CDH20: variants seen among roughly 807,000 people sequenced by gnomAD.
The protein encoded by CDH20 is cadherin 20, also known as cadherin-20.
In CDH20, 29 loss-of-function variants were observed where a neutral mutation model predicts 74.2. The observed-to-expected ratio is 0.39, with a 90% CI of 0.29 to 0.53. CDH20 has a LOEUF of 0.53. CDH20 is among the 20% of genes least tolerant of loss of function. CDH20 has a pLI of 0.69. For missense variants in CDH20, 988 were observed against 1,048.3 expected (o/e 0.94, Z 0.79); for synonymous variants, 469 against 405.4 (o/e 1.16, Z -1.88).
chr18:61,376,348 T>G (rs1043501786), intron 1 of CDH20, among the ~76,000 whole-genome samples: 11 of 152,148 alleles, frequency 7.2e-5, no homozygotes, highest in African/African-American at 2.7e-4. Context: ...TGATACAAAA[T>G]TTACCTATCT....
chr18:61,528,773 A>G (rs535758608), intron 7 of CDH20, among the ~76,000 whole-genome samples: 27 of 152,354 alleles, frequency 1.8e-4, no homozygotes, highest in African/African-American at 5.3e-4. Flanking sequence ...AGTGGTAAAC[A>G]TAAAGGAAAT....
chr18:61,422,743 A>G (rs1032139893), intron 1 of CDH20, among the ~76,000 whole-genome samples: 1 of 151,024 alleles, frequency 6.6e-6, no homozygotes, highest in African/African-American at 2.4e-5. Flanking sequence ...CTTTTGTTAA[A>G]TGTTTTAAAT....
In CDH20 at chr18:61,487,919, A is replaced by G. The variant is rs75314319; in HGVS notation, c.-152-2483A>G. The stretch of plus-strand genomic sequence containing the variant: ...AAAATGTAGCCAGTGGAAGCAGAAG[A>G]GGAGACATCTGCACATAGCACACAT... On this transcript the variant is annotated intron_variant, in intron 1 of 11. Transcript: ENST00000262717. Among the ~76,000 whole-genome samples the G allele has an allele frequency of 6.5e-3, 990 of 152,268 alleles. 4 individuals carry two copies. The highest frequency in any genetic ancestry group is 0.011 in the Non-Finnish European group (761 of 68,010).
intron 1 of CDH20, among the ~76,000 whole-genome samples, chr18:61,489,048 C>A (rs997255329): frequency 1.3e-5 from 2 of 152,226 alleles, no homozygotes; most frequent in Non-Finnish European, 2.9e-5. Flanking sequence ...AATCTGCCTT[C>A]AGAGCTGGAG....
rs895181604 is a variant in CDH20, at chr18:61,377,079, T to C, written c.-153+43252T>C. Among the ~76,000 whole-genome samples, 8 of 152,022 alleles carry C rather than the reference T, an allele frequency of 5.3e-5. No homozygotes were observed. In the South Asian group the frequency reaches 1.7e-3, roughly 32 times the overall value. On this transcript the variant is annotated intron_variant, in intron 1 of 11. Transcript: ENST00000262717. Reference sequence around the variant, plus strand: ...CCATGAGGTCATTCAGGGACATGAGTCCCACCCAGCTTGGAGCCCTTAGAA... The same window carrying C: ...CCATGAGGTCATTCAGGGACATGAGCCCCACCCAGCTTGGAGCCCTTAGAA...
chr18:61,407,291 A>G (rs1313499207), intron 1 of CDH20, among the ~76,000 whole-genome samples: 2 of 152,242 alleles, frequency 1.3e-5, no homozygotes, highest in Non-Finnish European at 2.9e-5. Context: ...GCCTTGAGAA[A>G]GACATTCCTG....
At chr18:61,446,362 C>T (rs980369626) in intron 1 of CDH20, among the ~76,000 whole-genome samples, 4 of 152,132 alleles carry the variant, frequency 2.6e-5, no homozygotes, top group African/African-American at 9.7e-5. Context: ...AGCTCTCCTT[C>T]TTTAACTGTT....
At chr18:61,461,087 A>C (rs916026917) in intron 1 of CDH20, among the ~76,000 whole-genome samples, 5 of 152,132 alleles carry the variant, frequency 3.3e-5, no homozygotes, top group Non-Finnish European at 7.4e-5. Flanking sequence ...GGTAAATTTG[A>C]GTCATCACAT....
At chr18:61,453,425 G>A (rs1246352773) in intron 1 of CDH20, among the ~76,000 whole-genome samples, 2 of 152,080 alleles carry the variant, frequency 1.3e-5, no homozygotes, top group Non-Finnish European at 2.9e-5. Flanking sequence ...TTATAGGCGT[G>A]TGCCACCGTG....
chr18:61,361,505 T>C (rs2144134753), intron 1 of CDH20, among the ~76,000 whole-genome samples: 1 of 152,300 alleles, frequency 6.6e-6, no homozygotes. Context: ...AAGGGAAAAT[T>C]ACAACTGTTG....
chr18:61,545,212 CT>C, intron 10 of CDH20, 68 bp downstream of exon 10: 1 of 936,500 alleles, frequency 1.1e-6, no homozygotes, highest in Non-Finnish European at 1.8e-6. Context: ...GGGTTACTGT[CT>C]TATGCAAACA....
intron 1 of CDH20, among the ~76,000 whole-genome samples, chr18:61,462,664 T>C (rs1234887569): frequency 7.3e-6 from 1 of 136,306 alleles, no homozygotes; most frequent in Non-Finnish European, 1.5e-5. Flanking sequence ...AATCAAACAA[T>C]AGTTGTTAAT....
chr18:61,495,473 G>A (rs1911103842), intron 2 of CDH20, among the ~76,000 whole-genome samples: 1 of 152,160 alleles, frequency 6.6e-6, no homozygotes, highest in African/African-American at 2.4e-5. Flanking sequence ...TCCTCTCCCA[G>A]GTAGGTTCTG....
In CDH20 at chr18:61,545,083, C is replaced by A; in HGVS notation, c.1587C>A (p.Phe529Leu). Residue 529 changes from phenylalanine (F) to leucine (L), a missense_variant, in exon 10 of 12, where the codon TTC (phenylalanine) becomes TTA (leucine). Physicochemically the swap from Phe to Leu is conservative, Grantham distance 22. Around this residue, in one of 2 missense-constraint regions of CDH20, gnomAD observed 613 missense variants for 755.2 expected, o/e 0.81. Transcript: ENST00000262717. ...DQDDPRNGQHFYYSLAPEAAN... is the reference protein window; with the variant it reads ...DQDDPRNGQHLYYSLAPEAAN... ...ATGACCCACGCAATGGTCAGCATTT[C>A]TACTACAGCTTGGCTCCTGAGGCTG... The A allele has an allele frequency of 6.2e-7, 1 of 1,614,036 alleles. No homozygotes were observed. The highest frequency in any genetic ancestry group is 1.1e-5 in the South Asian group (1 of 91,090).
intron 1 of CDH20, among the ~76,000 whole-genome samples, chr18:61,349,076 A>G (rs1409832803): frequency 1.3e-5 from 2 of 152,208 alleles, no homozygotes; most frequent in African/African-American, 2.4e-5. Flanking sequence ...TTCTTTTTAA[A>G]TGATCACTTT....
At chr18:61,509,339 T>C (rs1004342116) in intron 6 of CDH20, among the ~76,000 whole-genome samples, 80 of 152,276 alleles carry the variant, frequency 5.3e-4, no homozygotes, top group African/African-American at 1.8e-3. Context: ...AGGTTGACAG[T>C]GTGGGAGGTG....
At chr18:61,519,985 G>C (rs1912138344) in intron 6 of CDH20, among the ~76,000 whole-genome samples, 1 of 146,542 alleles carries the variant, frequency 6.8e-6, no homozygotes. Flanking sequence ...TGCAATCCTA[G>C]TCTCTGATAA....
chr18:61,383,392 C>T (rs1331156899), intron 1 of CDH20, among the ~76,000 whole-genome samples: 1 of 151,976 alleles, frequency 6.6e-6, no homozygotes, highest in Non-Finnish European at 1.5e-5. Context: ...ACCAGCCTGG[C>T]CAACATGGTA....
At chr18:61,552,567 G>C (rs1231965187) in intron 11 of CDH20, among the ~76,000 whole-genome samples, 1 of 151,886 alleles carries the variant, frequency 6.6e-6, no homozygotes, top group Non-Finnish European at 1.5e-5. Flanking sequence ...CCACTTCAAG[G>C]TCACCTCTGT....
Sources: gnomAD v4.1 joint callset for allele counts (sites outside exome capture counted in the v4.1 genomes callset) on GRCh38, gnomAD v4.1.1 for gene constraint, gnomAD v4.1.1 regional missense constraint, MANE v1.5 for transcripts, NCBI Gene and HGNC (gene_info 2026-07-23, HGNC 2026-07-21) for gene names.